Variants in VSNL1 observed in about 807,000 individuals in gnomAD.
The protein encoded by VSNL1 is visinin like 1, also known as visinin-like protein 1.
A neutral mutation model predicts 20.4 loss-of-function variants in VSNL1; 6 were observed. The observed-to-expected ratio is 0.29, with a 90% CI of 0.16 to 0.58. The LOEUF (loss-of-function observed/expected upper bound fraction) is 0.58. VSNL1 is among the 20% of genes least tolerant of loss of function. The pLI is 0.90. For missense variants in VSNL1, 100 were observed against 234.5 expected, an observed-to-expected ratio of 0.43 and a Z score of 3.75; for synonymous variants, 93 against 86.4, an observed-to-expected ratio of 1.08 and a Z score of -0.42.
intron 1 of VSNL1, among the ~76,000 whole-genome samples, chr2:17,564,863 C>G (rs1663900834): frequency 6.6e-6 from 1 of 152,092 alleles, no homozygotes; most frequent in Non-Finnish European, 1.5e-5. Context: ...GTAGTATCAA[C>G]AAAGTAGTCG....
intron 2 of VSNL1, among the ~76,000 whole-genome samples, chr2:17,605,006 C>A (rs1344181449): frequency 1.3e-5 from 2 of 152,156 alleles, no homozygotes; most frequent in Non-Finnish European, 2.9e-5. Flanking sequence ...TGGAGTAAGA[C>A]ACAGGGTTCT....
intron 2 of VSNL1, among the ~76,000 whole-genome samples, chr2:17,594,539 A>G (rs190621471): frequency 6.6e-6 from 1 of 152,338 alleles, no homozygotes; most frequent in East Asian, 1.9e-4. Flanking sequence ...CTGGAAAAAA[A>G]TGCAAATATT....
intron 1 of VSNL1, among the ~76,000 whole-genome samples, chr2:17,564,872 C>T (rs183881049): frequency 1.3e-5 from 2 of 152,118 alleles, no homozygotes; most frequent in East Asian, 1.9e-4. Flanking sequence ...ACAAAGTAGT[C>T]GTAAGATTAC....
intron 2 of VSNL1, among the ~76,000 whole-genome samples, chr2:17,612,530 C>T (rs1043928962): frequency 3.3e-5 from 5 of 152,196 alleles, no homozygotes; most frequent in African/African-American, 1.2e-4. Context: ...AGAGATGAAC[C>T]TGCAGTCAAT....
chr2:17,606,611 TAGC>T lies in VSNL1; in HGVS notation c.162+14378_162+14380del, dbSNP rs375888839. Among the ~76,000 whole-genome samples the T allele has an allele frequency of 2.8e-4, 43 of 152,278 alleles. 1 individual carries two copies. In the South Asian group the frequency reaches 8.9e-3, roughly 32 times the overall value. On this transcript the variant is annotated intron_variant, in intron 2 of 3. Coordinates refer to ENST00000295156, the MANE Select transcript of VSNL1 (RefSeq NM_003385.5). ...CATGAGGAATTACAACTTCCCTCTC[TAGC>T]AGACTTCATGACCATAAACTGGGAT...
chr2:17,633,533 A>G (rs923481780), intron 2 of VSNL1, among the ~76,000 whole-genome samples: 3 of 151,238 alleles, frequency 2.0e-5, no homozygotes, highest in Non-Finnish European at 2.9e-5. Flanking sequence ...AGAAAAAAAA[A>G]AAATTAAAAG....
chr2:17,654,692 A>G (rs749600528), intron 3 of VSNL1, among the ~76,000 whole-genome samples: 8 of 152,194 alleles, frequency 5.3e-5, no homozygotes, highest in African/African-American at 7.2e-5. Flanking sequence ...CTCTTATTCA[A>G]TAGCATTTAA....
chr2:17,631,228 T>C (rs1203107597), intron 2 of VSNL1, among the ~76,000 whole-genome samples: 1 of 152,024 alleles, frequency 6.6e-6, no homozygotes, highest in African/African-American at 2.4e-5. Context: ...CATAGGGAAA[T>C]ATTCTGAATC....
intron 2 of VSNL1, among the ~76,000 whole-genome samples, chr2:17,621,748 C>T (rs556259618): frequency 1.3e-5 from 2 of 152,306 alleles, no homozygotes; most frequent in East Asian, 1.9e-4. Flanking sequence ...TTGTCTCTGC[C>T]TTCTGGGTAG....
chr2:17,588,314 T>C (rs1664523988), intron 1 of VSNL1, among the ~76,000 whole-genome samples: 1 of 152,192 alleles, frequency 6.6e-6, no homozygotes, highest in African/African-American at 2.4e-5. Context: ...AATCAGTGAA[T>C]GGTAGAGTTG....
At chr2:17,551,293 C>A (rs1663529915) in intron 1 of VSNL1, among the ~76,000 whole-genome samples, 1 of 152,162 alleles carries the variant, frequency 6.6e-6, no homozygotes, top group Non-Finnish European at 1.5e-5. Context: ...GTATTACCCC[C>A]TCTCCCCACT....
chr2:17,553,694 A>C (rs1403072196), intron 1 of VSNL1, among the ~76,000 whole-genome samples: 1 of 152,226 alleles, frequency 6.6e-6, no homozygotes, highest in Non-Finnish European at 1.5e-5. Context: ...TCCACTACTT[A>C]ATGTCTTCTT....
chr2:17,596,849 A>T (rs1664722191), intron 2 of VSNL1, among the ~76,000 whole-genome samples: 1 of 152,220 alleles, frequency 6.6e-6, no homozygotes, highest in Admixed American at 6.5e-5. Context: ...TATAAGGTGG[A>T]AATAATAAGA....
intron 2 of VSNL1, among the ~76,000 whole-genome samples, chr2:17,613,583 G>A (rs1665141469): frequency 6.6e-6 from 1 of 152,124 alleles, no homozygotes; most frequent in South Asian, 2.1e-4. Flanking sequence ...AATCTCTAAG[G>A]ACTCTTGTTG....
At chr2:17,653,448 C>G (rs927255007) in intron 3 of VSNL1, among the ~76,000 whole-genome samples, 4 of 152,198 alleles carry the variant, frequency 2.6e-5, no homozygotes, top group African/African-American at 9.7e-5. Flanking sequence ...CCATTTGTCT[C>G]TTTTTAAATT....
At chr2:17,585,323 T>C (rs559762339) in intron 1 of VSNL1, among the ~76,000 whole-genome samples, 23 of 151,590 alleles carry the variant, frequency 1.5e-4, no homozygotes, top group African/African-American at 5.1e-4. Context: ...ACTTGGCTTC[T>C]GGAGGACAAA....
At chr2:17,597,760 G>A (rs1664741760) in intron 2 of VSNL1, among the ~76,000 whole-genome samples, 1 of 152,118 alleles carries the variant, frequency 6.6e-6, no homozygotes, top group South Asian at 2.1e-4. Flanking sequence ...CATTTTCTCT[G>A]TGCTTTCTGT....
intron 3 of VSNL1, among the ~76,000 whole-genome samples, chr2:17,653,543 A>C (rs1408647449): frequency 1.3e-5 from 2 of 152,238 alleles, no homozygotes; most frequent in Non-Finnish European, 2.9e-5. Flanking sequence ...AATTATCCAC[A>C]AAATGAAATT....
chr2:17,638,651 C>T (rs901079636), intron 2 of VSNL1, among the ~76,000 whole-genome samples: 3 of 152,234 alleles, frequency 2.0e-5, no homozygotes, highest in East Asian at 3.9e-4. Context: ...GCTGCCCACA[C>T]AGGTGTGAGC....
Sources: allele counts gnomAD v4.1 joint callset (sites outside exome capture counted in the v4.1 genomes callset), GRCh38; gene constraint gnomAD v4.1.1; transcripts MANE v1.5; gene names NCBI Gene and HGNC (gene_info 2026-07-23, HGNC 2026-07-21).